PLA2R1: variants seen among roughly 807,000 people sequenced by gnomAD.
The protein encoded by PLA2R1 is phospholipase A2 receptor 1, also known as secretory phospholipase A2 receptor.
PLA2R1 carries 158 observed loss-of-function variants against 195.9 expected under a neutral mutation model. The ratio of observed to expected loss-of-function variants is 0.81; its 90% CI spans 0.71 to 0.92. PLA2R1 has a LOEUF of 0.92. PLA2R1 is among the 40% of genes least tolerant of loss of function. PLA2R1 has a pLI of 0.00. For missense variants in PLA2R1, 1,626 were observed against 1,764.6 expected (o/e 0.92, Z 1.41); for synonymous variants, 586 against 598.2 (o/e 0.98, Z 0.30).
intron 1 of PLA2R1, among the ~76,000 whole-genome samples, chr2:160,049,042 C>T (rs1490140849): frequency 3.3e-5 from 5 of 151,898 alleles, no homozygotes; most frequent in Admixed American, 6.6e-5. Flanking sequence ...GGGGTTTCAC[C>T]GTTCTAGCCG....
At chr2:159,992,033 C>T (rs1431325848) in intron 11 of PLA2R1, among the ~76,000 whole-genome samples, 3 of 128,124 alleles carry the variant, frequency 2.3e-5, no homozygotes, top group African/African-American at 2.9e-5. Context: ...CCTGAGGAAT[C>T]GCCACACTGA....
chr2:159,982,694 T>C (rs1290809441), intron 13 of PLA2R1, among the ~76,000 whole-genome samples: 9 of 152,220 alleles, frequency 5.9e-5, no homozygotes, highest in Admixed American at 5.9e-4. Flanking sequence ...CTGATAGATG[T>C]TGCATGTTAA....
At chr2:160,021,500 G>C (rs923653381) in intron 7 of PLA2R1, among the ~76,000 whole-genome samples, 6 of 152,214 alleles carry the variant, frequency 3.9e-5, no homozygotes, top group Non-Finnish European at 7.3e-5. Context: ...GGTAGCACTT[G>C]AGGCGATTCT....
At chr2:159,997,369 T>G (rs1691284426) in intron 11 of PLA2R1, among the ~76,000 whole-genome samples, 1 of 152,100 alleles carries the variant, frequency 6.6e-6, no homozygotes, top group Non-Finnish European at 1.5e-5. Flanking sequence ...GAGTTGCAGA[T>G]TTCCCTTCCT....
intron 7 of PLA2R1, among the ~76,000 whole-genome samples, chr2:160,021,781 T>A (rs1368697009): frequency 6.6e-6 from 1 of 152,226 alleles, no homozygotes; most frequent in Non-Finnish European, 1.5e-5. Flanking sequence ...TTTTTTAAAG[T>A]ATTTTTTTCC....
rs80201351 is a variant in PLA2R1, at chr2:160,046,528, A to T, written c.110-1371T>A. On this transcript the variant is annotated intron_variant, in intron 1 of 29. Coordinates refer to ENST00000283243, the MANE Select transcript of PLA2R1 (RefSeq NM_007366.5). The stretch of plus-strand genomic sequence containing the variant: ...TGGTAAACGTTCTTTTGGTTTCTCC[A>T]AAGTTAATCAGCCTGAGGAGAACTG... Among the ~76,000 whole-genome samples the T allele has an allele frequency of 1.5e-3, 232 of 152,334 alleles. 1 individual carries two copies. Among genetic ancestry groups the T allele is most frequent in the Non-Finnish European group, 2.7e-3 (185 of 68,040 alleles).
chr2:159,956,739 G>A, intron 20 of PLA2R1, 112 bp from the exon 21 acceptor site: 1 of 670,134 alleles, frequency 1.5e-6, no homozygotes. Flanking sequence ...ATTTTCTTGG[G>A]CAGAAAGAAC....
intron 7 of PLA2R1, among the ~76,000 whole-genome samples, chr2:160,021,984 G>A (rs369341902): frequency 3.9e-5 from 6 of 151,990 alleles, no homozygotes; most frequent in Admixed American, 1.3e-4. Context: ...AAATGATTAG[G>A]AAAAATAACA....
rs529885124 is a variant in PLA2R1, at chr2:159,969,722, T to G, written c.2661-363A>C. ...CACGCCCAGCTAATTTTTGTATTTT[T>G]AGTAGAGAGAGAGTTTCTCCATGTT... On this transcript the variant is annotated intron_variant, in intron 18 of 29. Coordinates refer to ENST00000283243, the MANE Select transcript of PLA2R1 (RefSeq NM_007366.5). Among the ~76,000 whole-genome samples the G allele has an allele frequency of 3.3e-5, 5 of 152,282 alleles. No homozygotes were observed. The South Asian group carries it at 1.0e-3, about 32-fold the overall frequency.
chr2:159,975,202 TTGTA>T (rs752590346), intron 17 of PLA2R1, among the ~76,000 whole-genome samples: 5 of 152,330 alleles, frequency 3.3e-5, no homozygotes, highest in Non-Finnish European at 7.3e-5. Context: ...AAAAATAAAA[TTGTA>T]TGTATTTATT....
chr2:160,008,965 T>C (rs920063631), intron 10 of PLA2R1, among the ~76,000 whole-genome samples: 2 of 152,166 alleles, frequency 1.3e-5, no homozygotes, highest in African/African-American at 4.8e-5. Flanking sequence ...ACATCATCAA[T>C]CACCAGTGGA....
In PLA2R1 at chr2:160,016,646, C is replaced by T. The variant is rs768285797; in HGVS notation, c.1519G>A (p.Val507Ile). The T allele has an allele frequency of 1.9e-6, 3 of 1,608,792 alleles. No homozygotes were observed. Among genetic ancestry groups the T allele is most frequent in the East Asian group, 2.2e-5 (1 of 44,846 alleles). Residue 507 changes from valine (V) to isoleucine (I), a missense_variant, in exon 9 of 30, where the codon GTC (valine) becomes ATC (isoleucine). Val to Ile is a conservative substitution (Grantham distance 29). Coordinates refer to ENST00000283243, the MANE Select transcript of PLA2R1 (RefSeq NM_007366.5). ...CATCCTGATTCAGCATCAGAGAGGA[C>T]ATGGCCTGCTTTTTTACAAATGTAA... ...LFYICKKAGHVLSDAESGCQE... is the reference protein window; with the variant it reads ...LFYICKKAGHILSDAESGCQE...
chr2:159,952,243 T>C (rs1291678997), intron 23 of PLA2R1, among the ~76,000 whole-genome samples: 1 of 152,196 alleles, frequency 6.6e-6, no homozygotes, highest in Non-Finnish European at 1.5e-5. Flanking sequence ...CAAGCATTGG[T>C]GCTTGAGAGT....
chr2:159,947,384 C>T, intron 26 of PLA2R1, 35 bp downstream of exon 26: 1 of 1,568,842 alleles, frequency 6.4e-7, no homozygotes, highest in Non-Finnish European at 8.6e-7. Flanking sequence ...AGAAGGAGCA[C>T]ATGAAAGCAT....
intron 20 of PLA2R1, among the ~76,000 whole-genome samples, chr2:159,965,988 A>T (rs914307976): frequency 6.6e-6 from 1 of 152,222 alleles, no homozygotes; most frequent in Non-Finnish European, 1.5e-5. Context: ...TCTTGGCCTG[A>T]TGCGTATTCA....
chr2:160,058,858 G>A (rs1455478013), intron 1 of PLA2R1, among the ~76,000 whole-genome samples: 1 of 152,138 alleles, frequency 6.6e-6, no homozygotes, highest in Non-Finnish European at 1.5e-5. Context: ...GTGGGGGATG[G>A]TTTTGGGATG....
Position 159,939,862 on chromosome 2 carries a change from C to T in PLA2R1, c.*1916G>A, listed in dbSNP as rs567990802. ...AGATGGTTAAATTGGGCTTTTATACCATCTGGTGAGTTCAAGCCAATTATT... is the reference window on the plus strand; with the variant it reads ...AGATGGTTAAATTGGGCTTTTATACTATCTGGTGAGTTCAAGCCAATTATT... On this transcript the variant is annotated 3_prime_UTR_variant, in exon 30 of 30. Coordinates refer to ENST00000283243, the MANE Select transcript of PLA2R1 (RefSeq NM_007366.5). 21 of 152,210 alleles carry T rather than the reference C, an allele frequency of 1.4e-4. No homozygotes were observed. The highest frequency in any genetic ancestry group is 4.3e-4 in the African/African-American group (18 of 41,522). 9.4% of individuals were successfully genotyped at this position (152,210 alleles called of 1,614,324 possible).
At chr2:160,010,193 A>G (rs544163965) in intron 10 of PLA2R1, among the ~76,000 whole-genome samples, 1 of 152,338 alleles carries the variant, frequency 6.6e-6, no homozygotes, top group East Asian at 1.9e-4. Flanking sequence ...ACAAAATTGA[A>G]TGCCATTTGG....
chr2:160,047,198 A>G (rs1471545669), intron 1 of PLA2R1, among the ~76,000 whole-genome samples: 1 of 152,136 alleles, frequency 6.6e-6, no homozygotes, highest in Admixed American at 6.5e-5. Flanking sequence ...CTTTGGGCAG[A>G]TTGCTCCATC....
Sources: gnomAD v4.1 joint callset for allele counts (sites outside exome capture counted in the v4.1 genomes callset) on GRCh38, gnomAD v4.1.1 for gene constraint, MANE v1.5 for transcripts, NCBI Gene and HGNC (gene_info 2026-07-23, HGNC 2026-07-21) for gene names.